UGT2B7: variants seen among roughly 807,000 people sequenced by gnomAD.
UGT2B7 encodes UDP glucuronosyltransferase family 2 member B7.
In UGT2B7, 51 loss-of-function variants were observed where a neutral mutation model predicts 51.9. The observed-to-expected ratio is 0.98, with a 90% CI of 0.78 to 1.24. The LOEUF is 1.24. UGT2B7 is among the 50% of genes most tolerant of loss of function. UGT2B7 has a pLI of 0.00. For missense variants in UGT2B7, 727 were observed against 628.4 expected, an observed-to-expected ratio of 1.16 and a Z score of -1.68; for synonymous variants, 225 against 211.6, an observed-to-expected ratio of 1.06 and a Z score of -0.55.
rs1474040386 is a variant in UGT2B7 at position 69,110,611 on chromosome 4, C to T, written c.1311-1846C>T. On this transcript the variant is annotated intron_variant, in intron 5 of 5. Transcript: ENST00000305231. Reference sequence around the variant, plus strand: ...CAGCAATGGAATTACCCAACAACTGCTACATTAAAAAAAGACACTAATGAG... The same window carrying T: ...CAGCAATGGAATTACCCAACAACTGTTACATTAAAAAAAGACACTAATGAG... Among the ~76,000 whole-genome samples the T allele has an allele frequency of 2.0e-5, 3 of 151,940 alleles. 1 individual carries two copies. Among genetic ancestry groups the T allele is most frequent in the Non-Finnish European group, 4.4e-5 (3 of 67,956 alleles).
rs549388321 is a variant in UGT2B7 at position 69,074,856 on chromosome 4, A to C, written c.-158-14616A>C. 9.3e-4 allele frequency among the ~76,000 whole-genome samples: 141 copies of C among 152,210 alleles called. 5 individuals are homozygous for C. In the South Asian group the frequency reaches 0.029, roughly 31 times the overall value. The stretch of plus-strand genomic sequence containing the variant: ...CTGGTGGACATTCTTCCTTCATTTT[A>C]TACTAGGCTGTATATGTCTTTTGAC... On this transcript the variant is annotated intron_variant, in intron 1 of 5. Coordinates refer to the UGT2B7 transcript ENST00000502942.
chr4:69,098,502 CT>C, intron 1 of UGT2B7, 37 bp from the exon 2 acceptor site: 2 of 1,566,176 alleles, frequency 1.3e-6, no homozygotes, highest in Non-Finnish European at 1.7e-6. Context: ...AAGTAATTAT[CT>C]TGTGTCATCC....
intron 1 of UGT2B7, among the ~76,000 whole-genome samples, chr4:69,076,922 T>G (rs763658082): frequency 5.9e-5 from 9 of 152,114 alleles, no homozygotes; most frequent in Non-Finnish European, 1.3e-4. Context: ...TTAGGTCTTA[T>G]GTGTAAGTCT....
At chr4:69,064,890 G>C (rs972298626) in intron 1 of UGT2B7, among the ~76,000 whole-genome samples, 1 of 152,068 alleles carries the variant, frequency 6.6e-6, no homozygotes, top group East Asian at 1.9e-4. Flanking sequence ...TTAACGTTGT[G>C]ATTAGAAAAA....
chr4:69,077,457 T>C (rs182465642), intron 1 of UGT2B7, among the ~76,000 whole-genome samples: 185 of 152,222 alleles, frequency 1.2e-3, no homozygotes, highest in Non-Finnish European at 1.9e-3. Flanking sequence ...TGTCTTATTT[T>C]CTTAAGCCGT....
intron 1 of UGT2B7, among the ~76,000 whole-genome samples, chr4:69,076,242 A>T (rs7441365): frequency 2.0e-5 from 3 of 151,992 alleles, no homozygotes; most frequent in African/African-American, 7.3e-5. Context: ...ATAAACATAT[A>T]TGTGCATGTG....
chr4:69,064,112 A>AGAGAAAGAAAG (rs1718433031), intron 1 of UGT2B7, among the ~76,000 whole-genome samples: 1 of 86,802 alleles, frequency 1.2e-5, no homozygotes, highest in Non-Finnish European at 2.2e-5. Flanking sequence ...GAAAGAAAGA[A>AGAGAAAGAAAG]AAAGAAAGAA....
intron 5 of UGT2B7, 66 bp from the exon 6 acceptor site, chr4:69,112,391 C>A: frequency 6.5e-7 from 1 of 1,547,884 alleles, no homozygotes; most frequent in Non-Finnish European, 8.7e-7. Context: ...TTCTTTAACT[C>A]GGTGTCTGAG....
At chr4:69,107,371 G>A (rs1719633346) in intron 4 of UGT2B7, 109 bp downstream of exon 4, 2 of 1,262,346 alleles carry the variant, frequency 1.6e-6, no homozygotes, top group Admixed American at 2.6e-5. Flanking sequence ...AAAACAAAAT[G>A]TAACTTCTTT....
At chr4:69,111,102 C>A (rs1560513351) in intron 5 of UGT2B7, among the ~76,000 whole-genome samples, 1 of 151,628 alleles carries the variant, frequency 6.6e-6, no homozygotes, top group African/African-American at 2.4e-5. Context: ...ACTCCAAGAG[C>A]GGGAGAGAGG....
chr4:69,082,056 G>C (rs1375274721), intron 1 of UGT2B7, among the ~76,000 whole-genome samples: 7 of 151,982 alleles, frequency 4.6e-5, no homozygotes, highest in Non-Finnish European at 7.4e-5. Flanking sequence ...GGTGATCTGT[G>C]ATTGGTGATT....
intron 1 of UGT2B7, among the ~76,000 whole-genome samples, chr4:69,084,329 T>TC (rs1432208264): frequency 4.2e-5 from 6 of 141,946 alleles, no homozygotes; most frequent in African/African-American, 1.6e-4. Flanking sequence ...GTCTATAAAT[T>TC]TTCTCTCTCT....
At position 69,064,050 on chromosome 4, in the gene UGT2B7, A is replaced by C. The variant is rs183501670; in HGVS notation, c.-159+12448A>C. On this transcript the variant is annotated intron_variant, in intron 1 of 5. Transcript: ENST00000502942. ...AAAGAAAGAAAGAAAGAAAGAAAGA[A>C]AGAAAGAAAGAAAGAAAGAAAGAAA... is the stretch of plus-strand genomic sequence containing the variant. 2.0e-3 allele frequency among the ~76,000 whole-genome samples: 216 copies of C among 105,772 alleles called. 2 individuals carry two copies. The highest frequency in any genetic ancestry group is 0.013 in the Admixed American group (144 of 10,812). The allele number at this position is 105,772 out of a possible 152,430, so 69.4% of individuals were successfully genotyped here.
At chr4:69,059,604 A>T (rs1303159315) in intron 1 of UGT2B7, among the ~76,000 whole-genome samples, 1 of 152,134 alleles carries the variant, frequency 6.6e-6, no homozygotes. Context: ...ACCCACCTGG[A>T]CTGGCTGTAA....
upstream of UGT2B7, among the ~76,000 whole-genome samples, chr4:69,091,887 T>C (rs756913379): frequency 1.4e-4 from 21 of 152,222 alleles, no homozygotes; most frequent in Non-Finnish European, 1.5e-5. Context: ...ATGTGGCACA[T>C]GACAAAGATA....
At chr4:69,103,302 TA>T (rs1198393109) in intron 3 of UGT2B7, among the ~76,000 whole-genome samples, 1 of 152,120 alleles carries the variant, frequency 6.6e-6, no homozygotes, top group Non-Finnish European at 1.5e-5. Context: ...AATATAGCCT[TA>T]AATATGCTTG....
chr4:69,111,756 CA>C (rs916570908), intron 5 of UGT2B7, among the ~76,000 whole-genome samples: 10 of 151,720 alleles, frequency 6.6e-5, no homozygotes, highest in African/African-American at 9.7e-5. Context: ...TTCTCTGCTT[CA>C]AAAAAAATTA....
At chr4:69,094,437 C>T (rs1313345696), upstream of UGT2B7, among the ~76,000 whole-genome samples, 3 of 151,190 alleles carry the variant, frequency 2.0e-5, 1 homozygote, top group Admixed American at 6.6e-5. Flanking sequence ...CGTGAGCCAC[C>T]GCGCCCGGCC....
intron 1 of UGT2B7, among the ~76,000 whole-genome samples, chr4:69,080,561 A>AAAT (rs917745427): frequency 2.6e-5 from 4 of 151,572 alleles, no homozygotes; most frequent in African/African-American, 9.7e-5. Context: ...AAAAAAAAAA[A>AAAT]GAAAATCTAT....
Sources: gnomAD v4.1 joint callset for allele counts (sites outside exome capture counted in the v4.1 genomes callset) on GRCh38, gnomAD v4.1.1 for gene constraint, MANE v1.5 for transcripts, NCBI Gene and HGNC (gene_info 2026-07-23, HGNC 2026-07-21) for gene names.